Variants in CLDN16 observed in about 807,000 individuals in gnomAD.
CLDN16 encodes the protein claudin-16.
CLDN16 carries 13 observed loss-of-function variants against 24.6 expected under a neutral mutation model. The ratio of observed to expected loss-of-function variants is 0.53; its 90% confidence interval spans 0.34 to 0.84. CLDN16 has a LOEUF of 0.84. CLDN16 is among the 40% of genes least tolerant of loss of function. The pLI is 0.01. For missense variants in CLDN16, 298 were observed against 292.7 expected, an observed-to-expected ratio of 1.02 and a Z score of -0.13; for synonymous variants, 116 against 106.7, an observed-to-expected ratio of 1.09 and a Z score of -0.54.
chr3:190,408,204 G>C (rs553571613), intron 3 of CLDN16, 110 bp from the exon 4 acceptor site: 4 of 1,085,500 alleles, frequency 3.7e-6, no homozygotes, highest in Non-Finnish European at 5.7e-6. Context: ...CCATGTTACT[G>C]TTTTTACCTC....
At chr3:190,322,439 A>G (rs1716955537), upstream of CLDN16, 2 of 575,760 alleles carry the variant, frequency 3.5e-6, no homozygotes, top group Non-Finnish European at 6.2e-6. Context: ...AGGCTCGGGA[A>G]CTGAGACGCA....
At chr3:190,317,199 T>C in the CLDN16 span, among the ~76,000 whole-genome samples, 2 of 152,164 alleles carry the variant, frequency 1.3e-5, no homozygotes, top group Admixed American at 1.3e-4. Context: ...ACCTCTTAAA[T>C]TTGCAGCTAA....
At chr3:190,315,090 C>A in the CLDN16 span, among the ~76,000 whole-genome samples, 1 of 152,174 alleles carries the variant, frequency 6.6e-6, no homozygotes, top group African/African-American at 2.4e-5. Context: ...ATGGTTTTTG[C>A]AAAGGCTATC....
chr3:190,339,786 A>T (rs1717388279), intron 1 of CLDN16, among the ~76,000 whole-genome samples: 1 of 152,214 alleles, frequency 6.6e-6, no homozygotes, highest in Non-Finnish European at 1.5e-5. Context: ...ATAGTGAATA[A>T]TGACTATCTT....
intron 1 of CLDN16, among the ~76,000 whole-genome samples, chr3:190,355,173 A>G (rs1182792873): frequency 6.6e-6 from 1 of 151,962 alleles, no homozygotes; most frequent in African/African-American, 2.4e-5. Context: ...TCTTTCTCAC[A>G]CCATTATTAT....
intron 1 of CLDN16, among the ~76,000 whole-genome samples, chr3:190,329,199 G>C (rs1353397513): frequency 6.6e-6 from 1 of 152,172 alleles, no homozygotes; most frequent in Non-Finnish European, 1.5e-5. Context: ...GGGTTGGTGA[G>C]AGGGTTTGAA....
the CLDN16 span, among the ~76,000 whole-genome samples, chr3:190,311,609 A>T: frequency 2.5e-4 from 38 of 151,112 alleles, no homozygotes; most frequent in South Asian, 4.0e-3. Context: ...TTATTTTTTT[A>T]AAATAATATA....
chr3:190,340,868 G>A (rs1270626920), intron 1 of CLDN16, among the ~76,000 whole-genome samples: 1 of 152,128 alleles, frequency 6.6e-6, no homozygotes, highest in East Asian at 1.9e-4. Context: ...GGGAGAAATT[G>A]GCCAAAACAA....
intron 1 of CLDN16, among the ~76,000 whole-genome samples, chr3:190,342,854 C>G (rs868272904): frequency 5.3e-5 from 8 of 152,096 alleles, no homozygotes; most frequent in African/African-American, 1.9e-4. Context: ...AGCCATAAAA[C>G]TCCTGGAAAA....
At chr3:190,369,535 T>C (rs1000500093) in intron 1 of CLDN16, among the ~76,000 whole-genome samples, 2 of 151,936 alleles carry the variant, frequency 1.3e-5, no homozygotes, top group Non-Finnish European at 2.9e-5. Flanking sequence ...ATGAAAATAA[T>C]CTGAAATGTC....
upstream of CLDN16, among the ~76,000 whole-genome samples, chr3:190,318,082 A>G (rs897376451): frequency 3.3e-5 from 5 of 152,206 alleles, no homozygotes; most frequent in Admixed American, 6.5e-5. Flanking sequence ...ACGGAAGTTC[A>G]AAGTTTCATA....
intron 1 of CLDN16, among the ~76,000 whole-genome samples, chr3:190,364,346 T>G (rs1018362953): frequency 2.0e-5 from 3 of 151,952 alleles, no homozygotes; most frequent in African/African-American, 7.2e-5. Flanking sequence ...TCTTGTCCTG[T>G]ACATGCCATC....
upstream of CLDN16, among the ~76,000 whole-genome samples, chr3:190,318,852 G>A (rs1716839153): frequency 6.6e-6 from 1 of 152,188 alleles, no homozygotes; most frequent in Non-Finnish European, 1.5e-5. Flanking sequence ...TGACATCATG[G>A]TGAGAGTGCT....
At chr3:190,301,782 C>T in the CLDN16 span, among the ~76,000 whole-genome samples, 2 of 152,156 alleles carry the variant, frequency 1.3e-5, no homozygotes, top group South Asian at 2.1e-4. Context: ...ATCATCAAGC[C>T]GTCTCTTGCC....
intron 1 of CLDN16, among the ~76,000 whole-genome samples, chr3:190,398,701 C>T (rs567504159): frequency 6.6e-6 from 1 of 152,286 alleles, no homozygotes; most frequent in South Asian, 2.1e-4. Context: ...AAGCACTTTA[C>T]TACCACTATT....
chr3:190,318,756 T>C (rs539450320), upstream of CLDN16, among the ~76,000 whole-genome samples: 5 of 152,324 alleles, frequency 3.3e-5, no homozygotes, highest in South Asian at 1.0e-3. Context: ...GCACAACGCA[T>C]CTGGAGAAGC....
At chr3:190,350,310 A>G (rs1717642861) in intron 1 of CLDN16, among the ~76,000 whole-genome samples, 1 of 149,490 alleles carries the variant, frequency 6.7e-6, no homozygotes, top group Admixed American at 6.7e-5. Context: ...ACATAAAAGC[A>G]GTACTTGAAG....
At chr3:190,372,894 A>C (rs972537918) in intron 2 of CLDN16, among the ~76,000 whole-genome samples, 1 of 151,880 alleles carries the variant, frequency 6.6e-6, no homozygotes, top group Non-Finnish European at 1.5e-5. Context: ...CATGGAGCCC[A>C]GTTCCTGTTT....
rs1444245867 is a variant in CLDN16 at position 190,402,397 on chromosome 3, C to T, written c.175C>T (p.Arg59Cys). ...ECVTNAFDGI[R>C]TCDEYDSILA... ...CGTCACAAATGCTTTTGATGGGATT[C>T]GCACCTGTGATGAGTACGATTCCAT... is the stretch of plus-strand genomic sequence containing the variant. The change falls in exon 2 of 5, where the codon CGC (arginine) becomes TGC (cysteine). Residue 59 changes from arginine to cysteine, a missense_variant. By Grantham distance (180) the Arg-to-Cys change is radical (BLOSUM62 -3). Coordinates refer to ENST00000264734, the MANE Select transcript of CLDN16 (RefSeq NM_006580.4). 1.9e-6 allele frequency: 3 copies of T among 1,613,952 alleles called. No individual in the cohort carries two copies. The highest frequency in any genetic ancestry group is 2.5e-6 in the Non-Finnish European group (3 of 1,179,936).
Sources: gnomAD v4.1 joint callset for allele counts (sites outside exome capture counted in the v4.1 genomes callset) on GRCh38, gnomAD v4.1.1 for gene constraint, MANE v1.5 for transcripts, NCBI Gene and HGNC (gene_info 2026-07-23, HGNC 2026-07-21) for gene names.